ERC1: variants seen among roughly 807,000 people sequenced by gnomAD.
The protein encoded by ERC1 is RAB6 interacting protein 2.
In ERC1, 56 loss-of-function variants were observed where a neutral mutation model predicts 132.0. The ratio of observed to expected loss-of-function variants is 0.42; its 90% CI spans 0.34 to 0.53. The LOEUF is 0.53. Ranked by LOEUF, ERC1 falls within the 20% of genes least tolerant of loss-of-function variation. The probability of loss-of-function intolerance (pLI) is 0.03; values close to 1 mark genes in which losing one functional copy is unlikely to be tolerated. For synonymous variants in ERC1, 478 were observed against 476.1 expected (o/e 1.00, Z -0.05); for missense variants, 1,202 against 1,349.9 (o/e 0.89, Z 1.72).
intron 16 of ERC1, among the ~76,000 whole-genome samples, chr12:1,376,921 G>A (rs1384513720): frequency 1.3e-5 from 2 of 152,040 alleles, no homozygotes; most frequent in South Asian, 2.1e-4. Flanking sequence ...TTCGGTACAC[G>A]CGGTCTTTCT....
chr12:1,199,103 C>G (rs1956634115), intron 12 of ERC1, among the ~76,000 whole-genome samples: 1 of 151,220 alleles, frequency 6.6e-6, no homozygotes, highest in South Asian at 2.1e-4. Flanking sequence ...ACCTCCAACA[C>G]TGGGGATCAC....
At chr12:1,445,084 T>C in intron 18 of ERC1, 1 of 226,132 alleles carries the variant, frequency 4.4e-6, no homozygotes, top group Non-Finnish European at 8.7e-6. Flanking sequence ...TATGTATACA[T>C]TGTGGAATGG....
intron 17 of ERC1, among the ~76,000 whole-genome samples, chr12:1,430,083 CCA>C (rs1491377569): frequency 5.9e-5 from 9 of 152,240 alleles, no homozygotes; most frequent in African/African-American, 2.2e-4. Context: ...GATTGCTCAC[CCA>C]CAGTTTGTGC....
chr12:1,440,268 C>T (rs11061757), intron 17 of ERC1, among the ~76,000 whole-genome samples: 10 of 137,664 alleles, frequency 7.3e-5, no homozygotes, highest in Admixed American at 1.4e-4. Context: ...GCAGTGGTGC[C>T]ATCTCGGCTC....
At chr12:1,488,416 G>T (rs1042118746) in intron 18 of ERC1, among the ~76,000 whole-genome samples, 7 of 152,144 alleles carry the variant, frequency 4.6e-5, no homozygotes, top group Non-Finnish European at 1.0e-4. Flanking sequence ...ATAAGGTAGG[G>T]CACAGGAGCT....
chr12:1,148,148 G>A (rs1044177999), intron 8 of ERC1, among the ~76,000 whole-genome samples: 3 of 152,102 alleles, frequency 2.0e-5, no homozygotes, highest in South Asian at 2.1e-4. Flanking sequence ...TGGAAGTAAC[G>A]CATTGCTTAT....
intron 16 of ERC1, among the ~76,000 whole-genome samples, chr12:1,394,034 CAAAAAAAAAACCA>C (rs2090255233): frequency 4.4e-5 from 2 of 45,286 alleles, no homozygotes; most frequent in African/African-American, 2.4e-4. Flanking sequence ...AAAAAAAAAA[CAAAAAAAAAACCA>C]CAAAGCATTA....
intron 17 of ERC1, chr12:1,443,338 G>C (rs1456710168): frequency 2.0e-5 from 3 of 152,020 alleles, no homozygotes; most frequent in African/African-American, 7.3e-5. Flanking sequence ...AAAAACTCTT[G>C]TTGAAAAAGA....
At chr12:1,217,799 C>A (rs1958564468) in intron 12 of ERC1, among the ~76,000 whole-genome samples, 1 of 152,202 alleles carries the variant, frequency 6.6e-6, no homozygotes, top group Non-Finnish European at 1.5e-5. Context: ...TATAATTACT[C>A]CCTTCTAAAT....
intron 18 of ERC1, among the ~76,000 whole-genome samples, chr12:1,461,549 T>C (rs1345095466): frequency 6.6e-6 from 1 of 152,060 alleles, no homozygotes; most frequent in Non-Finnish European, 1.5e-5. Context: ...GCACCTGTAA[T>C]CTCAGCTACT....
chr12:1,467,615 G>A (rs1388259073), intron 18 of ERC1, among the ~76,000 whole-genome samples: 1 of 152,178 alleles, frequency 6.6e-6, no homozygotes, highest in Non-Finnish European at 1.5e-5. Context: ...GGGAGTGGCA[G>A]GGAAGGGATG....
intron 15 of ERC1, among the ~76,000 whole-genome samples, chr12:1,364,226 T>C (rs2086443473): frequency 6.6e-6 from 1 of 152,220 alleles, no homozygotes; most frequent in Admixed American, 6.5e-5. Context: ...TTTTGTAATA[T>C]AAGATTTTTA....
chr12:1,225,295 C>T (rs1015891562), intron 12 of ERC1, among the ~76,000 whole-genome samples: 2 of 151,576 alleles, frequency 1.3e-5, no homozygotes, highest in African/African-American at 4.8e-5. Flanking sequence ...GCTGTCTCTA[C>T]AAAAATTAGC....
At chr12:1,296,008 C>G (rs200744392) in intron 15 of ERC1, among the ~76,000 whole-genome samples, 1 of 50,060 alleles carries the variant, frequency 2.0e-5, no homozygotes, top group Non-Finnish European at 4.0e-5. Flanking sequence ...TTTGGTTTAA[C>G]AGAAAAAAAA....
At chr12:1,333,319 A>G (rs1044131919) in intron 15 of ERC1, among the ~76,000 whole-genome samples, 3 of 144,470 alleles carry the variant, frequency 2.1e-5, no homozygotes, top group Non-Finnish European at 3.0e-5. Flanking sequence ...TCCGTGGTGT[A>G]TATGTACCGC....
chr12:1,163,692 A>G (rs923908297), intron 8 of ERC1, among the ~76,000 whole-genome samples: 1 of 152,058 alleles, frequency 6.6e-6, no homozygotes, highest in Non-Finnish European at 1.5e-5. Flanking sequence ...GCCTCTGTCT[A>G]CATGGTGGTT....
intron 18 of ERC1, among the ~76,000 whole-genome samples, chr12:1,477,110 G>A (rs2093989255): frequency 1.3e-5 from 2 of 152,080 alleles, no homozygotes; most frequent in African/African-American, 4.8e-5. Flanking sequence ...AGTTATAATT[G>A]TGTAGATCCA....
At chr12:1,135,572 G>A (rs951851666) in intron 7 of ERC1, among the ~76,000 whole-genome samples, 4 of 152,182 alleles carry the variant, frequency 2.6e-5, no homozygotes, top group Non-Finnish European at 1.5e-5. Context: ...ATTAGTTAAG[G>A]TTTGAGATAA....
At position 1,012,253 on chromosome 12, in the gene ERC1, G is replaced by A. The variant is rs549503769; in HGVS notation, c.-156-15495G>A. 1.2e-4 allele frequency among the ~76,000 whole-genome samples: 18 copies of A among 152,174 alleles called. No individual in the cohort carries two copies. In the South Asian group the frequency reaches 3.7e-3, roughly 32 times the overall value. Reference sequence around the variant, plus strand: ...CAGATACTTTTATTATTTTTGGGAAGAAACAAATACTTACTGGGTTCCTAT... The same window carrying A: ...CAGATACTTTTATTATTTTTGGGAAAAAACAAATACTTACTGGGTTCCTAT... On this transcript the variant is annotated intron_variant, in intron 1 of 18. Transcript: ENST00000360905.
Sources: allele counts gnomAD v4.1 joint callset (sites outside exome capture counted in the v4.1 genomes callset), GRCh38; gene constraint gnomAD v4.1.1; transcripts MANE v1.5; gene names NCBI Gene and HGNC (gene_info 2026-07-23, HGNC 2026-07-21).